The following SNAP91 variants were observed in gnomAD, a reference collection of about 807,000 sequenced individuals.
The protein encoded by SNAP91 is synaptosome associated protein 91, also known as clathrin coat assembly protein AP180.
In SNAP91, 27 loss-of-function variants were observed where a neutral mutation model predicts 100.3. That is an observed-to-expected ratio of 0.27 (90% CI 0.20 to 0.37). The LOEUF is 0.37. SNAP91 is among the 10% of genes least tolerant of loss of function. SNAP91 has a pLI of 1.00. For synonymous variants in SNAP91, 404 were observed against 398.6 expected (o/e 1.01, Z -0.16); for missense variants, 986 against 1,123.7 (o/e 0.88, Z 1.75).
At chr6:83,612,486 T>C (rs1270852142) in intron 11 of SNAP91, among the ~76,000 whole-genome samples, 2 of 152,188 alleles carry the variant, frequency 1.3e-5, no homozygotes, top group Non-Finnish European at 2.9e-5. Flanking sequence ...GGTCACTTTC[T>C]AAGAATGAAT....
At chr6:83,593,097 GC>G in intron 19 of SNAP91, 80 bp from the exon 20 acceptor site, 2 of 1,505,358 alleles carry the variant, frequency 1.3e-6, no homozygotes, top group Non-Finnish European at 9.1e-7. Flanking sequence ...TCTAACAAAT[GC>G]ATTATCACAG....
At chr6:83,558,177 A>C (rs1043698869) in intron 28 of SNAP91, among the ~76,000 whole-genome samples, 1 of 152,186 alleles carries the variant, frequency 6.6e-6, no homozygotes, top group South Asian at 2.1e-4. Context: ...AGCTTTCAGT[A>C]TATCAAACAC....
intron 2 of SNAP91, among the ~76,000 whole-genome samples, chr6:83,697,909 G>T (rs2099241261): frequency 6.6e-6 from 1 of 152,194 alleles, no homozygotes; most frequent in Non-Finnish European, 1.5e-5. Context: ...CAGTCTCAAA[G>T]AAACTACAGA....
At chr6:83,661,372 T>C (rs879545989) in intron 5 of SNAP91, 130 bp downstream of exon 5, 4 of 550,452 alleles carry the variant, frequency 7.3e-6, no homozygotes, top group African/African-American at 1.9e-5. Flanking sequence ...ATTATTGAGT[T>C]CCTTTTTTTA....
At chr6:83,682,577 ATTTT>A (rs1562650630) in intron 2 of SNAP91, among the ~76,000 whole-genome samples, 1 of 151,264 alleles carries the variant, frequency 6.6e-6, no homozygotes, top group Non-Finnish European at 1.5e-5. Context: ...ATTTTTTTAA[ATTTT>A]TTTATTTTAT....
At chr6:83,695,276 C>CAAAAAAAAAAAAAAAAAAAA (rs56103542) in intron 2 of SNAP91, among the ~76,000 whole-genome samples, 1 of 67,300 alleles carries the variant, frequency 1.5e-5, no homozygotes, top group Non-Finnish European at 2.5e-5. Flanking sequence ...GGCTCCATCT[C>CAAAAAAAAAAAAAAAAAAAA]AAAAAAAAAA....
intron 8 of SNAP91, among the ~76,000 whole-genome samples, chr6:83,623,829 A>G (rs900120306): frequency 3.3e-5 from 5 of 152,138 alleles, no homozygotes; most frequent in Non-Finnish European, 5.9e-5. Context: ...GAAATATGAA[A>G]TTATACAAAT....
chr6:83,688,993 A>G (rs2099098113), intron 2 of SNAP91, among the ~76,000 whole-genome samples: 2 of 151,994 alleles, frequency 1.3e-5, no homozygotes, highest in African/African-American at 4.8e-5. Flanking sequence ...TTCGTGCAAG[A>G]CCCTCTGCTT....
intron 7 of SNAP91, among the ~76,000 whole-genome samples, chr6:83,650,966 T>C (rs1338828002): frequency 6.6e-6 from 1 of 152,226 alleles, no homozygotes; most frequent in Non-Finnish European, 1.5e-5. Context: ...AGGTTGTCTA[T>C]TTCTTCTTGT....
chr6:83,560,467 C>T (rs1478178735), intron 27 of SNAP91, among the ~76,000 whole-genome samples: 1 of 152,092 alleles, frequency 6.6e-6, no homozygotes, highest in African/African-American at 2.4e-5. Flanking sequence ...GTTTATTCAT[C>T]TTCTGTAAGC....
intron 16 of SNAP91, among the ~76,000 whole-genome samples, chr6:83,596,761 G>T (rs1416645972): frequency 1.6e-5 from 1 of 61,280 alleles, no homozygotes; most frequent in East Asian, 7.9e-4. Context: ...TTCAATTAAA[G>T]ATTTTTTTTT....
chr6:83,622,802 A>T (rs940015753), intron 9 of SNAP91, among the ~76,000 whole-genome samples: 1 of 151,984 alleles, frequency 6.6e-6, no homozygotes, highest in African/African-American at 2.4e-5. Context: ...CTACTATTTT[A>T]TTAGCTTATT....
intron 21 of SNAP91, among the ~76,000 whole-genome samples, chr6:83,591,969 T>G (rs12524983): frequency 0.041 from 6,209 of 152,346 alleles, 178 homozygotes; most frequent in Non-Finnish European, 0.067. Flanking sequence ...TCCTTCTAAC[T>G]CTTTGTAAGG....
chr6:83,593,664 T>G lies in SNAP91; in HGVS notation c.1510A>C (p.Ser504Arg). 1 of 1,612,388 alleles carries G rather than the reference T, an allele frequency of 6.2e-7. No individual in the cohort carries two copies. Reference protein sequence around the residue: ...DLFAMKPPETSVPVVTPTAST... With the variant: ...DLFAMKPPETRVPVVTPTAST... ...GCTGTAGGGGTAACTACAGGAACACTGGTCTCAGGTGGCTTCATTGCAAAG... is the reference window on the plus strand; with the variant it reads ...GCTGTAGGGGTAACTACAGGAACACGGGTCTCAGGTGGCTTCATTGCAAAG... The change falls in exon 18 of 30, where the codon AGT (serine) becomes CGT (arginine). Residue 504 changes from serine (S) to arginine (R), a missense_variant. Transcript: ENST00000369694.
chr6:83,590,332 A>G (rs899184525), intron 22 of SNAP91, among the ~76,000 whole-genome samples: 6 of 152,224 alleles, frequency 3.9e-5, no homozygotes, highest in African/African-American at 1.4e-4. Flanking sequence ...TTCTAGGTCA[A>G]GGCTATCACT....
At chr6:83,649,677 C>G (rs1172785909) in intron 7 of SNAP91, among the ~76,000 whole-genome samples, 1 of 151,744 alleles carries the variant, frequency 6.6e-6, no homozygotes, top group Non-Finnish European at 1.5e-5. Flanking sequence ...TGCCTCCCAG[C>G]TCAAGTGATT....
rs141545757 is a variant in SNAP91, at chr6:83,673,403, G to T, written c.131-7822C>A. On this transcript the variant is annotated intron_variant, in intron 2 of 29. Transcript: ENST00000369694. ...TGAGAAGTCAGCAGTGTGCAGTACA[G>T]AAGAGACCCCTCACCAAAACCTGAC... Among the ~76,000 whole-genome samples, 650 of 152,242 alleles carry T rather than the reference G, an allele frequency of 4.3e-3. 4 individuals are homozygous for T. Among genetic ancestry groups the T allele is most frequent in the South Asian group, 0.016 (75 of 4,826 alleles).
At chr6:83,623,266 T>A in intron 9 of SNAP91, 35 bp downstream of exon 9, 2 of 1,542,246 alleles carry the variant, frequency 1.3e-6, no homozygotes, top group East Asian at 4.5e-5. Flanking sequence ...AATAATCTCA[T>A]GCATACTGAA....
intron 26 of SNAP91, among the ~76,000 whole-genome samples, chr6:83,563,298 G>C (rs999866420): frequency 6.6e-6 from 1 of 152,106 alleles, no homozygotes; most frequent in Non-Finnish European, 1.5e-5. Flanking sequence ...CATCTCAATA[G>C]ATGCAGAAAA....
Sources: allele counts gnomAD v4.1 joint callset (sites outside exome capture counted in the v4.1 genomes callset), GRCh38; gene constraint gnomAD v4.1.1; transcripts MANE v1.5; gene names NCBI Gene and HGNC (gene_info 2026-07-23, HGNC 2026-07-21).